Variants in AFF4 observed in about 807,000 individuals in gnomAD.
AFF4 encodes the protein AF4/FMR2 family member 4.
AFF4 carries 13 observed loss-of-function variants against 124.8 expected under a neutral mutation model. The ratio of observed to expected loss-of-function variants is 0.10; its 90% CI spans 0.07 to 0.17. The LOEUF (loss-of-function observed/expected upper bound fraction) is 0.17, where lower values mean the gene tolerates loss of function less well. AFF4 is among the 10% of genes least tolerant of loss of function. The probability of loss-of-function intolerance (pLI) is 1.00; values close to 1 mark genes in which losing one functional copy is unlikely to be tolerated. For synonymous variants in AFF4, 477 were observed against 496.1 expected, an observed-to-expected ratio of 0.96 and a Z score of 0.51; for missense variants, 1,092 against 1,403.8, an observed-to-expected ratio of 0.78 and a Z score of 3.55.
At chr5:132,898,443 C>G (rs1760465924) in intron 9 of AFF4, 51 bp from the exon 10 acceptor site, 2 of 1,539,432 alleles carry the variant, frequency 1.3e-6, no homozygotes, top group Non-Finnish European at 1.7e-6. Flanking sequence ...ACATTGACAA[C>G]AGGAAAACAT....
At chr5:132,954,402 T>C (rs181668324) in intron 1 of AFF4, among the ~76,000 whole-genome samples, 22 of 152,190 alleles carry the variant, frequency 1.4e-4, no homozygotes, top group African/African-American at 4.8e-4. Flanking sequence ...AAACCCCTTG[T>C]GGGAGGGGGA....
intron 1 of AFF4, among the ~76,000 whole-genome samples, chr5:132,949,278 C>T (rs1395831139): frequency 7.3e-6 from 1 of 136,312 alleles, no homozygotes; most frequent in Non-Finnish European, 1.5e-5. Context: ...AATTCTTTGG[C>T]TCAAGCAATC....
intron 5 of AFF4, among the ~76,000 whole-genome samples, chr5:132,906,282 A>G (rs1469283438): frequency 6.6e-6 from 1 of 152,236 alleles, no homozygotes; most frequent in Non-Finnish European, 1.5e-5. Context: ...AAATGTAAAC[A>G]TATGTCCACA....
At chr5:132,933,695 A>C (rs1761352810) in intron 3 of AFF4, among the ~76,000 whole-genome samples, 1 of 152,216 alleles carries the variant, frequency 6.6e-6, no homozygotes, top group Non-Finnish European at 1.5e-5. Flanking sequence ...CATAGCATTC[A>C]AAGTATACAA....
chr5:132,913,605 G>A (rs752145768), intron 5 of AFF4, among the ~76,000 whole-genome samples: 7 of 152,058 alleles, frequency 4.6e-5, no homozygotes, highest in Non-Finnish European at 8.8e-5. Context: ...CACCGTGCCC[G>A]GCTGATTTTT....
At chr5:132,904,479 T>A in intron 5 of AFF4, 75 bp from the exon 6 acceptor site, 1 of 1,247,790 alleles carries the variant, frequency 8.0e-7, no homozygotes, top group Non-Finnish European at 1.1e-6. Flanking sequence ...TTAAATTACA[T>A]AAAAACACTT....
intron 5 of AFF4, among the ~76,000 whole-genome samples, chr5:132,910,506 T>C (rs1760770724): frequency 1.3e-5 from 2 of 152,184 alleles, no homozygotes; most frequent in South Asian, 2.1e-4. Context: ...TGTCCTCTCA[T>C]TGGACTTGGT....
At chr5:132,924,853 A>C (rs1168386902) in intron 5 of AFF4, among the ~76,000 whole-genome samples, 1 of 151,730 alleles carries the variant, frequency 6.6e-6, no homozygotes, top group African/African-American at 2.4e-5. Flanking sequence ...ACAAACTAAC[A>C]AAAAACAAAA....
intron 7 of AFF4, 116 bp from the exon 8 acceptor site, chr5:132,899,757 C>A: frequency 2.5e-6 from 2 of 799,056 alleles, no homozygotes; most frequent in Admixed American, 2.4e-5. Flanking sequence ...AAAATTTAAC[C>A]AAAAAACAAA....
intron 1 of AFF4, among the ~76,000 whole-genome samples, chr5:132,960,786 A>G (rs1407337266): frequency 2.6e-5 from 4 of 152,222 alleles, no homozygotes; most frequent in Non-Finnish European, 5.9e-5. Flanking sequence ...GAAGATAAAA[A>G]GAGGAATAAA....
rs1179033129 is a variant in AFF4 at position 132,877,820 on chromosome 5, C to A, written c.*3239G>T. ...ATGCTGTCTGATCTGTCTGATTAAACCTTTAATGAAAAGAAACGAACAACA... is the reference window on the plus strand; with the variant it reads ...ATGCTGTCTGATCTGTCTGATTAAAACTTTAATGAAAAGAAACGAACAACA... On this transcript the variant is annotated 3_prime_UTR_variant, in exon 21 of 21. Transcript: ENST00000265343. The A allele has an allele frequency of 1.4e-5, 3 of 215,730 alleles. No individual in the cohort carries two copies. The highest frequency in any genetic ancestry group is 6.9e-5 in the East Asian group (1 of 14,488). 13.4% of individuals were successfully genotyped at this position (215,730 alleles called of 1,614,324 possible).
At chr5:132,923,816 C>G (rs1761108447) in intron 5 of AFF4, among the ~76,000 whole-genome samples, 1 of 152,058 alleles carries the variant, frequency 6.6e-6, no homozygotes, top group African/African-American at 2.4e-5. Context: ...ACTATGTGAC[C>G]CAGTATTTAC....
intron 19 of AFF4, among the ~76,000 whole-genome samples, chr5:132,884,043 A>G (rs965408583): frequency 2.0e-4 from 30 of 152,216 alleles, no homozygotes; most frequent in African/African-American, 7.0e-4. Flanking sequence ...CAGAGGTAAC[A>G]AAGAGGTACA....
intron 1 of AFF4, among the ~76,000 whole-genome samples, chr5:132,942,445 C>T (rs1443551917): frequency 6.6e-6 from 1 of 150,396 alleles, no homozygotes; most frequent in African/African-American, 2.4e-5. Context: ...GCCCCCTGAA[C>T]TCAGTCCTTT....
rs1760303855 is a variant in AFF4 at position 132,893,090 on chromosome 5, C to G, written c.2336G>C (p.Ser779Thr). ...CTTGTCCTCCGTTTTGGGTTTCTTG[C>G]TCTCACTGGCTCGGTTATCATCTTC... ...KNEDDNRASE[S>T]KKPKTEDKNS... Residue 779 changes from serine (S) to threonine (T), a missense_variant, in exon 12 of 21, where the codon AGC becomes ACC. Coordinates refer to ENST00000265343, the MANE Select transcript of AFF4 (RefSeq NM_014423.4). 6.2e-7 allele frequency: 1 copy of G among 1,613,992 alleles called. No individual in the cohort carries two copies. Among genetic ancestry groups the G allele is most frequent in the South Asian group, 1.1e-5 (1 of 91,090 alleles).
intron 5 of AFF4, among the ~76,000 whole-genome samples, chr5:132,908,518 A>G (rs1375579063): frequency 1.3e-5 from 2 of 151,936 alleles, no homozygotes; most frequent in Non-Finnish European, 2.9e-5. Context: ...CTTGTTGTAA[A>G]TCATTTAGAA....
At chr5:132,945,130 ATTTAAG>A (rs1247067929) in intron 1 of AFF4, 1 of 156,534 alleles carries the variant, frequency 6.4e-6, no homozygotes, top group Non-Finnish European at 1.4e-5. Context: ...TCGATTGGCC[ATTTAAG>A]TTTAACAGTA....
At chr5:132,957,019 CAAAAAAAAAAAAA>C (rs1180577709) in intron 1 of AFF4, among the ~76,000 whole-genome samples, 58 of 40,808 alleles carry the variant, frequency 1.4e-3, no homozygotes, top group South Asian at 9.5e-3. Flanking sequence ...GACTTCGTCT[CAAAAAAAAAAAAA>C]AAAAAAAAAA....
chr5:132,892,117 T>G (rs770998860), intron 13 of AFF4, 47 bp downstream of exon 13: 18 of 1,613,950 alleles, frequency 1.1e-5, no homozygotes, highest in Non-Finnish European at 1.4e-5. Context: ...AAAAGTCACA[T>G]GGCAAGTTGA....
Sources: gnomAD v4.1 joint callset for allele counts (sites outside exome capture counted in the v4.1 genomes callset) on GRCh38, gnomAD v4.1.1 for gene constraint, MANE v1.5 for transcripts, NCBI Gene and HGNC (gene_info 2026-07-23, HGNC 2026-07-21) for gene names.